Variants in ARHGAP29 observed in about 807,000 individuals in gnomAD.
ARHGAP29 encodes the protein rho GTPase-activating protein 29.
Under a neutral mutation model 122.6 loss-of-function variants are expected in ARHGAP29, and 43 were observed. That is an observed-to-expected ratio of 0.35 (90% CI 0.27 to 0.45). The LOEUF (loss-of-function observed/expected upper bound fraction) is 0.45, where lower values mean the gene tolerates loss of function less well. Among genes scored for constraint, ARHGAP29 ranks in the 20% least tolerant of loss-of-function variants. The pLI is 1.00. For synonymous variants in ARHGAP29, 506 were observed against 497.1 expected (o/e 1.02, Z -0.24); for missense variants, 1,303 against 1,477.2 (o/e 0.88, Z 1.93).
chr1:94,191,812 A>G (rs143047812), intron 12 of ARHGAP29: 75 of 152,336 alleles, frequency 4.9e-4, no homozygotes, highest in African/African-American at 1.8e-3. Context: ...TGGCAATATG[A>G]CTGGTCCAAG....
upstream of ARHGAP29, among the ~76,000 whole-genome samples, chr1:94,275,868 C>T (rs575123344): frequency 4.0e-5 from 6 of 151,794 alleles, no homozygotes; most frequent in South Asian, 1.3e-3. Context: ...TTTTGTTACT[C>T]CAAAGACCTA....
intron 7 of ARHGAP29, among the ~76,000 whole-genome samples, chr1:94,204,540 G>C (rs1285118062): frequency 6.6e-6 from 1 of 152,142 alleles, no homozygotes; most frequent in African/African-American, 2.4e-5. Flanking sequence ...ATGACTTTAA[G>C]CAAATCTGCT....
upstream of ARHGAP29, among the ~76,000 whole-genome samples, chr1:94,240,646 A>G (rs1653538979): frequency 1.3e-5 from 2 of 152,194 alleles, no homozygotes; most frequent in African/African-American, 4.8e-5. Flanking sequence ...AGCAACATAT[A>G]ATTTTTTTTA....
intron 1 of ARHGAP29, among the ~76,000 whole-genome samples, chr1:94,256,743 A>G (rs991161526): frequency 3.3e-5 from 5 of 151,446 alleles, no homozygotes; most frequent in African/African-American, 4.8e-5. Context: ...TATTTTTAGT[A>G]GAGACGGGGT....
intron 1 of ARHGAP29, among the ~76,000 whole-genome samples, chr1:94,264,563 G>A (rs556558864): frequency 6.6e-5 from 10 of 152,170 alleles, no homozygotes; most frequent in African/African-American, 2.2e-4. Flanking sequence ...TTGGGCTCTT[G>A]AGTTCACTCA....
chr1:94,190,505 C>T (rs1443568067), intron 12 of ARHGAP29: 1 of 153,972 alleles, frequency 6.5e-6, no homozygotes, highest in Non-Finnish European at 1.4e-5. Flanking sequence ...CTTTTTCAAT[C>T]CTATAAAAAT....
chr1:94,298,584 C>A, the ARHGAP29 span, among the ~76,000 whole-genome samples: 8 of 152,236 alleles, frequency 5.3e-5, no homozygotes, highest in East Asian at 1.4e-3. Context: ...TTACACAAAA[C>A]AAGATAGGTG....
chr1:94,278,143 C>A (rs961029791), upstream of ARHGAP29, among the ~76,000 whole-genome samples: 13 of 152,074 alleles, frequency 8.5e-5, no homozygotes, highest in African/African-American at 3.1e-4. Context: ...GAGCAAAACC[C>A]TATCTCTACA....
chr1:94,230,637 T>G (rs1652867962), intron 2 of ARHGAP29, among the ~76,000 whole-genome samples: 1 of 151,652 alleles, frequency 6.6e-6, no homozygotes, highest in Admixed American at 6.6e-5. Context: ...CCCCAAGAGG[T>G]CTCATATAAA....
At chr1:94,200,473 G>C (rs1173643518) in intron 12 of ARHGAP29, among the ~76,000 whole-genome samples, 1 of 152,148 alleles carries the variant, frequency 6.6e-6, no homozygotes. Flanking sequence ...AGCCACTCTG[G>C]AAAACAGTTT....
chr1:94,304,143 T>G, the ARHGAP29 span, among the ~76,000 whole-genome samples: 2 of 152,262 alleles, frequency 1.3e-5, no homozygotes, highest in Non-Finnish European at 2.9e-5. Context: ...CCACCTTTTT[T>G]GGGGGATGGG....
the ARHGAP29 span, among the ~76,000 whole-genome samples, chr1:94,295,234 G>T: frequency 6.6e-5 from 10 of 152,160 alleles, no homozygotes; most frequent in Non-Finnish European, 1.2e-4. Context: ...GTGGGTAGCC[G>T]GGTTCACCAG....
At chr1:94,230,313 C>T (rs901942385) in intron 2 of ARHGAP29, among the ~76,000 whole-genome samples, 2 of 151,700 alleles carry the variant, frequency 1.3e-5, no homozygotes, top group East Asian at 1.9e-4. Flanking sequence ...TTTAATCATC[C>T]ACAATCAGAC....
At chr1:94,227,830 A>C (rs1265485807) in intron 2 of ARHGAP29, among the ~76,000 whole-genome samples, 1 of 151,886 alleles carries the variant, frequency 6.6e-6, no homozygotes, top group East Asian at 1.9e-4. Context: ...ATTAATCTAC[A>C]GTGTTATAAT....
At chr1:94,306,611 G>A in the ARHGAP29 span, among the ~76,000 whole-genome samples, 22,094 of 152,152 alleles carry the variant, frequency 0.15, 1,846 homozygotes, top group East Asian at 0.35. Context: ...AAAATAAACT[G>A]TGCTTTGGAC....
chr1:94,245,050 C>T (rs1653736339), intron 1 of ARHGAP29, among the ~76,000 whole-genome samples: 1 of 152,152 alleles, frequency 6.6e-6, no homozygotes, highest in African/African-American at 2.4e-5. Flanking sequence ...TGAGATACCA[C>T]TGAATAGTCA....
rs147357091 is a variant in ARHGAP29 at position 94,209,609 on chromosome 1, C to T, written c.341-259G>A. On this transcript the variant is annotated intron_variant, in intron 3 of 22. Coordinates refer to ENST00000260526, the MANE Select transcript of ARHGAP29 (RefSeq NM_004815.4). The stretch of plus-strand genomic sequence containing the variant: ...TTACATAATTTGACACATCTAAAAA[C>T]TGACTCAATGTGAAATCCATCAGTG... Among the ~76,000 whole-genome samples, 37 of 152,288 alleles carry T rather than the reference C, an allele frequency of 2.4e-4. No individual in the cohort carries two copies. The East Asian group carries it at 6.0e-3, about 25-fold the overall frequency.
intron 1 of ARHGAP29, among the ~76,000 whole-genome samples, chr1:94,264,312 T>C (rs567046167): frequency 6.6e-6 from 1 of 152,146 alleles, no homozygotes; most frequent in South Asian, 2.1e-4. Context: ...AATTCTCATC[T>C]CATCTCCATT....
chr1:94,213,657 C>T (rs1201551907), intron 3 of ARHGAP29, among the ~76,000 whole-genome samples: 1 of 152,208 alleles, frequency 6.6e-6, no homozygotes, highest in Non-Finnish European at 1.5e-5. Flanking sequence ...TGTGTGCCAA[C>T]GCCTGGTAAA....
Sources: allele counts gnomAD v4.1 joint callset (sites outside exome capture counted in the v4.1 genomes callset), GRCh38; gene constraint gnomAD v4.1.1; transcripts MANE v1.5; gene names NCBI Gene and HGNC (gene_info 2026-07-23, HGNC 2026-07-21).